The following PPM1B variants were observed in gnomAD, a reference collection of about 807,000 sequenced individuals.
PPM1B encodes protein phosphatase, Mg2+/Mn2+ dependent 1B.
A neutral mutation model predicts 43.0 loss-of-function variants in PPM1B; 22 were observed. The ratio of observed to expected loss-of-function variants is 0.51; its 90% confidence interval spans 0.37 to 0.73. The LOEUF (loss-of-function observed/expected upper bound fraction) is 0.73. Ranked by LOEUF, PPM1B falls within the 30% of genes least tolerant of loss-of-function variation. PPM1B has a pLI of 0.00. For synonymous variants in PPM1B, 217 were observed against 197.9 expected (o/e 1.10, Z -0.81); for missense variants, 632 against 584.2 (o/e 1.08, Z -0.84).
chr2:44,244,481 C>CA (rs1670815045), downstream of PPM1B: 1 of 900,512 alleles, frequency 1.1e-6, no homozygotes, highest in South Asian at 3.2e-5. Context: ...TTTTCCTGTC[C>CA]ATGTGATAAA....
At chr2:44,223,814 T>TA (rs58530902) in intron 5 of PPM1B, among the ~76,000 whole-genome samples, 742 of 36,052 alleles carry the variant, frequency 0.021, 33 homozygotes, top group East Asian at 0.03. Context: ...GGACTCTGTC[T>TA]AAAAAAAAAA....
chr2:44,233,403 TTAATTC>T (rs1670524213), downstream of PPM1B: 1 of 982,190 alleles, frequency 1.0e-6, no homozygotes, highest in African/African-American at 1.7e-5. Context: ...ATTTATTAGT[TTAATTC>T]TATTTTTACA....
chr2:44,232,457 G>C, downstream of PPM1B: 2 of 1,557,218 alleles, frequency 1.3e-6, no homozygotes, highest in South Asian at 2.5e-5. Context: ...CCAACGTTTT[G>C]TGATATGAGC....
At position 44,230,908 on chromosome 2, in the gene PPM1B, G is replaced by T. The variant is rs1670444561; in HGVS notation, c.*190G>T. 7.9e-7 allele frequency: 1 copy of T among 1,273,580 alleles called. No homozygotes were observed. The highest frequency in any genetic ancestry group is 1.5e-5 in the African/African-American group (1 of 65,428). The allele number at this position is 1,273,580 out of a possible 1,614,324, so 78.9% of individuals were successfully genotyped here. On this transcript the variant is annotated 3_prime_UTR_variant, in exon 6 of 6. Transcript: ENST00000282412. ...GATAGTGTAAAATTGACTATTTATA[G>T]TACTATGGATTTAATGAAATTATAT... is the stretch of plus-strand genomic sequence containing the variant.
chr2:44,194,231 A>T (rs1157343841), intron 1 of PPM1B, among the ~76,000 whole-genome samples: 2 of 151,896 alleles, frequency 1.3e-5, no homozygotes, highest in African/African-American at 4.8e-5. Context: ...CCTCATATTT[A>T]AGTGTAACCC....
At chr2:44,196,811 G>A (rs754198682) in intron 1 of PPM1B, among the ~76,000 whole-genome samples, 3 of 152,126 alleles carry the variant, frequency 2.0e-5, no homozygotes, top group South Asian at 2.1e-4. Flanking sequence ...GACCAAGAGT[G>A]GTTATAACAT....
intron 1 of PPM1B, among the ~76,000 whole-genome samples, chr2:44,194,118 T>C (rs1375193678): frequency 6.6e-6 from 1 of 152,182 alleles, no homozygotes; most frequent in African/African-American, 2.4e-5. Flanking sequence ...TTTTCCCTAG[T>C]CCTTGCATGG....
At chr2:44,195,520 A>G (rs528030488) in intron 1 of PPM1B, among the ~76,000 whole-genome samples, 1 of 152,148 alleles carries the variant, frequency 6.6e-6, no homozygotes, top group East Asian at 1.9e-4. Flanking sequence ...CCAGACATGT[A>G]TTAAAACTAC....
intron 2 of PPM1B, among the ~76,000 whole-genome samples, chr2:44,204,849 A>T (rs1276290123): frequency 8.2e-6 from 1 of 121,504 alleles, no homozygotes; most frequent in Non-Finnish European, 1.6e-5. Context: ...ACAGAGCGAG[A>T]CTCCGTCTCA....
At chr2:44,239,890 G>GT (rs1197511482) in intron 5 of PPM1B, among the ~76,000 whole-genome samples, 326 of 85,902 alleles carry the variant, frequency 3.8e-3, no homozygotes, top group Non-Finnish European at 6.1e-3. Flanking sequence ...TTTTGTTTTT[G>GT]TTTTTGTTTT....
At chr2:44,220,438 T>C (rs1015881070) in intron 5 of PPM1B, among the ~76,000 whole-genome samples, 1 of 152,136 alleles carries the variant, frequency 6.6e-6, no homozygotes, top group Non-Finnish European at 1.5e-5. Flanking sequence ...AACGGAACTA[T>C]GAAACTGGGG....
chr2:44,201,267 G>A lies in PPM1B; in HGVS notation c.68G>A (p.Arg23His). The part of the protein sequence containing the change: ...HNAHGAGNGL[R>H]YGLSSMQGWR... ...GCTCATGGTGCTGGGAATGGTTTAC[G>A]TTATGGCCTGAGCAGCATGCAAGGA... The change falls in exon 2 of 6, where the codon CGT becomes CAT. Residue 23 changes from arginine (R) to histidine (H), a missense_variant. Coordinates refer to ENST00000282412, the MANE Select transcript of PPM1B (RefSeq NM_002706.6). The surrounding 1 kb of genome is among the most constrained non-coding windows in gnomAD (Gnocchi z 5.4). 3 of 1,614,112 alleles carry A rather than the reference G, an allele frequency of 1.9e-6. No homozygotes were observed. The highest frequency in any genetic ancestry group is 2.2e-5 in the East Asian group (1 of 44,888).
downstream of PPM1B, among the ~76,000 whole-genome samples, chr2:44,236,813 A>G (rs1170702122): frequency 1.3e-5 from 2 of 152,200 alleles, no homozygotes; most frequent in African/African-American, 2.4e-5. Flanking sequence ...TCACACTGAC[A>G]TTTCCTCTTC....
intron 5 of PPM1B, among the ~76,000 whole-genome samples, chr2:44,243,814 G>T (rs950466633): frequency 2.0e-5 from 3 of 152,048 alleles, no homozygotes; most frequent in Non-Finnish European, 4.4e-5. Flanking sequence ...AATTGAATGT[G>T]TTTATTTTTC....
At chr2:44,175,618 A>C (rs1234329800) in intron 1 of PPM1B, among the ~76,000 whole-genome samples, 2 of 152,288 alleles carry the variant, frequency 1.3e-5, no homozygotes, top group Admixed American at 6.5e-5. Context: ...CTTGAGTGGA[A>C]GATTTGGGGT....
At chr2:44,181,388 A>T (rs1226159977) in intron 1 of PPM1B, among the ~76,000 whole-genome samples, 1 of 152,222 alleles carries the variant, frequency 6.6e-6, no homozygotes, top group Non-Finnish European at 1.5e-5. Context: ...AAGGTTCTTG[A>T]TAAGGGTGTA....
chr2:44,177,653 C>G (rs1005926363), intron 1 of PPM1B, among the ~76,000 whole-genome samples: 5 of 151,776 alleles, frequency 3.3e-5, no homozygotes, highest in African/African-American at 9.7e-5. Context: ...CTCCTGACCT[C>G]AAGATCTGCC....
chr2:44,241,334 G>C lies in PPM1B; in HGVS notation n.1547-2894G>C, dbSNP rs926179614. On this transcript the variant is annotated intron_variant and non_coding_transcript_variant, in intron 5 of 5. Coordinates refer to the PPM1B transcript ENST00000378540. ...CATCTTAACAATTGTCTTTGACTAA[G>C]GCAGCCATCATGGCATAGTTGCACC... is the stretch of plus-strand genomic sequence containing the variant. Among the ~76,000 whole-genome samples, 11 of 144,938 alleles carry C rather than the reference G, an allele frequency of 7.6e-5. 1 individual carries two copies. The East Asian group carries it at 2.3e-3, about 30-fold the overall frequency.
chr2:44,191,112 C>A (rs182308495), intron 1 of PPM1B, among the ~76,000 whole-genome samples: 1 of 152,296 alleles, frequency 6.6e-6, no homozygotes, highest in East Asian at 1.9e-4. Flanking sequence ...TCAAGTTGGT[C>A]TTAGTAGTTT....
Sources: gnomAD v4.1 joint callset for allele counts (sites outside exome capture counted in the v4.1 genomes callset) on GRCh38, gnomAD v4.1.1 for gene constraint, Gnocchi (gnomAD v3.1) non-coding constraint, MANE v1.5 for transcripts, NCBI Gene and HGNC (gene_info 2026-07-23, HGNC 2026-07-21) for gene names.